TFR2: variants seen among roughly 807,000 people sequenced by gnomAD.
The protein encoded by TFR2 is transferrin receptor protein 2.
TFR2 carries 64 observed loss-of-function variants against 91.9 expected under a neutral mutation model. That is an observed-to-expected ratio of 0.70 (90% CI 0.57 to 0.86). The LOEUF is 0.86. Among genes scored for constraint, TFR2 ranks in the 40% least tolerant of loss-of-function variants. The pLI, the probability that TFR2 is intolerant of heterozygous loss-of-function variation, is 0.00. For missense variants in TFR2, 950 were observed against 1,080.5 expected, an observed-to-expected ratio of 0.88 and a Z score of 1.69; for synonymous variants, 454 against 459.6, an observed-to-expected ratio of 0.99 and a Z score of 0.15.
chr7:100,633,421 C>A lies in TFR2; in HGVS notation c.609G>T (p.Pro203=). The A allele has an allele frequency of 1.2e-6, 2 of 1,610,494 alleles. No homozygotes were observed. Among genetic ancestry groups the A allele is most frequent in the Non-Finnish European group, 1.7e-6 (2 of 1,178,478 alleles). Residue 203 remains proline (P), a synonymous_variant, in exon 4 of 18, where the codon CCG becomes CCT. Coordinates refer to ENST00000223051, the MANE Select transcript of TFR2 (RefSeq NM_003227.4). ...TDTHYVGLQF[P]DPAHPNTLHW... The stretch of plus-strand genomic sequence containing the variant: ...CCGCCCGCGCGCGCACTCACGGATC[C>A]GGGAATTGCAGCCCCACGTAGTGCG...
intron 17 of TFR2, among the ~76,000 whole-genome samples, chr7:100,621,856 T>C (rs2131305075): frequency 6.6e-6 from 1 of 152,312 alleles, no homozygotes; most frequent in East Asian, 1.9e-4. Context: ...CCCTCCTTTC[T>C]GCCAGCCTCT....
At chr7:100,629,786 C>T (rs1178306031) in intron 9 of TFR2, among the ~76,000 whole-genome samples, 1 of 152,196 alleles carries the variant, frequency 6.6e-6, no homozygotes, top group Non-Finnish European at 1.5e-5. Flanking sequence ...CGCTCTGTTG[C>T]CCAGGCTGGA....
chr7:100,641,137 TC>T lies in TFR2; in HGVS notation c.124del (p.Glu42ArgfsTer15). Reference sequence around the variant, plus strand: ...GTGGGCCAATGTCTCCGCCCCCTCCTCCCCGTCTTCCTCTTCCTCCTCCAGG... The same window carrying T: ...GTGGGCCAATGTCTCCGCCCCCTCCTCCCGTCTTCCTCTTCCTCCTCCAGG... ...GHLEEEEEDGEEGAETLAHFC... is the reference protein window; with the variant it reads ...GHLEEEEEDGXEGAETLAHFC... On this transcript the variant is annotated frameshift_variant, in exon 2 of 18. Transcript: ENST00000223051. LOFTEE classifies it high-confidence loss of function. 6.4e-7 allele frequency: 1 copy of T among 1,551,952 alleles called. No individual in the cohort carries two copies. Among genetic ancestry groups the T allele is most frequent in the Non-Finnish European group, 8.7e-7 (1 of 1,148,686 alleles).
chr7:100,641,403 C>A, intron 1 of TFR2, 74 bp downstream of exon 1: 2 of 1,598,194 alleles, frequency 1.3e-6, no homozygotes, highest in Non-Finnish European at 1.7e-6. Flanking sequence ...AGGGGCCAGC[C>A]TCAGGGGCTT....
At chr7:100,631,394 C>T (rs932629084) in intron 8 of TFR2, 9 of 192,484 alleles carry the variant, frequency 4.7e-5, no homozygotes, top group South Asian at 2.9e-4. Context: ...TTTGGGAGGC[C>T]GAGATGGGCG....
rs544495641 is a variant in TFR2, at chr7:100,621,904, T to G, written c.2137-778A>C. ...GCCTCTCCTAGCCCCATCTCTGGTT[T>G]GTTCTGCTTCCACCCGTGGGCAGGT... On this transcript the variant is annotated intron_variant, in intron 17 of 17. Transcript: ENST00000223051. Among the ~76,000 whole-genome samples the G allele has an allele frequency of 1.2e-4, 19 of 152,336 alleles. No individual in the cohort carries two copies. The South Asian group carries it at 3.7e-3, about 30-fold the overall frequency.
chr7:100,627,181 A>T, intron 16 of TFR2, 83 bp downstream of exon 16: 1 of 1,430,050 alleles, frequency 7.0e-7, no homozygotes, highest in Non-Finnish European at 9.6e-7. Context: ...ACCCCAGGGA[A>T]TGCAGAGAGA....
rs766437336 is a variant in TFR2, at chr7:100,628,111, T to C, written c.1499A>G (p.Lys500Arg). 6.2e-7 allele frequency: 1 copy of C among 1,614,108 alleles called. No homozygotes were observed. ...GTCCAGGCTCACGTACACTACGGCTTTGAGGTGCAGCACGCTGAGGTAGCC... is the reference window on the plus strand; with the variant it reads ...GTCCAGGCTCACGTACACTACGGCTCTGAGGTGCAGCACGCTGAGGTAGCC... ...LEGYLSVLHLKAVVYVSLDNA... is the reference protein window; with the variant it reads ...LEGYLSVLHLRAVVYVSLDNA... Residue 500 changes from lysine (K) to arginine (R), a missense_variant, in exon 12 of 18, where the codon AAA (lysine) becomes AGA (arginine). Transcript: ENST00000223051.
chr7:100,634,715 A>G (rs564199555), intron 3 of TFR2, among the ~76,000 whole-genome samples: 3 of 152,316 alleles, frequency 2.0e-5, no homozygotes, highest in Non-Finnish European at 4.4e-5. Context: ...CACATGGACC[A>G]TCTTTCCCTT....
chr7:100,629,139 G>A, intron 10 of TFR2, 114 bp downstream of exon 10: 1 of 1,368,002 alleles, frequency 7.3e-7, no homozygotes, highest in Non-Finnish European at 1.0e-6. Flanking sequence ...TGGATGCCGA[G>A]GTCCAAGTGA....
chr7:100,626,679 G>A, intron 17 of TFR2, 84 bp downstream of exon 17: 3 of 1,518,408 alleles, frequency 2.0e-6, no homozygotes, highest in Admixed American at 2.0e-5. Flanking sequence ...AGAGAGGAGC[G>A]CGCAGACGGG....
rs111840506 is a variant in TFR2, at chr7:100,641,477, C to T, written c.33G>A (p.Ala11=). MERLWGLFQR[A]QQLSPRSSQT... is the part of the protein sequence containing the mutation. ...GTCTTCCCAATCCCACTAGTCTTAC[C>T]GCTCTCTGGAATAGACCCCAAAGCC... Residue 11 remains alanine, a splice_region_variant and synonymous_variant, in exon 1 of 18, where the codon GCG becomes GCA. Coordinates refer to ENST00000223051, the MANE Select transcript of TFR2 (RefSeq NM_003227.4). 125 of 1,613,908 alleles carry T rather than the reference C, an allele frequency of 7.7e-5. 1 individual carries two copies. The highest frequency in any genetic ancestry group is 1.6e-4 in the Middle Eastern group (1 of 6,062).
chr7:100,625,475 A>G (rs1803229269), intron 17 of TFR2, among the ~76,000 whole-genome samples: 1 of 152,176 alleles, frequency 6.6e-6, no homozygotes, highest in Non-Finnish European at 1.5e-5. Context: ...GGTTAAACCA[A>G]GATCTGTGAA....
rs140020076 is a variant in TFR2, at chr7:100,631,836, A to T, written c.1076T>A (p.Ile359Asn). The T allele has an allele frequency of 7.5e-5, 121 of 1,613,380 alleles. No homozygotes were observed. The highest frequency in any genetic ancestry group is 1.0e-4 in the Admixed American group (6 of 59,908). The change falls in exon 8 of 18, where the codon ATC becomes AAC. Residue 359 changes from isoleucine (I) to asparagine (N), a missense_variant. By Grantham distance (149) the Ile-to-Asn change is moderately radical. Coordinates refer to ENST00000223051, the MANE Select transcript of TFR2 (RefSeq NM_003227.4). ...CAGGCGGGAGGCAATGTCTGCACTG[A>T]TGGGCTGGGCTGGGATGCTGGGAAG... The part of the protein sequence containing the change: ...SGLPSIPAQP[I>N]SADIASRLLR...
In TFR2 at chr7:100,630,957, A is replaced by G. The variant is rs371880627; in HGVS notation, c.1202T>C (p.Val401Ala). 6.2e-7 allele frequency: 1 copy of G among 1,612,590 alleles called. No homozygotes were observed. The highest frequency in any genetic ancestry group is 1.3e-5 in the African/African-American group (1 of 74,854). ...GGGGGTGGAGGTCCTGTGATTGTTG[A>G]CCACTAGCCGCAGTCGTGGCCCGGG... is the stretch of plus-strand genomic sequence containing the variant. ...LGPGPRLRLV[V>A]NNHRTSTPIN... The change falls in exon 9 of 18, where the codon GTC (valine) becomes GCC (alanine). Residue 401 changes from valine to alanine, a missense_variant. Val to Ala is a moderately conservative substitution (Grantham distance 64, BLOSUM62 0). Coordinates refer to ENST00000223051, the MANE Select transcript of TFR2 (RefSeq NM_003227.4).
In TFR2 at chr7:100,625,874, G is replaced by A. The variant is rs1010662168; in HGVS notation, c.2136+889C>T. Among the ~76,000 whole-genome samples, 12 of 152,250 alleles carry A rather than the reference G, an allele frequency of 7.9e-5. No individual in the cohort carries two copies. In the East Asian group the frequency reaches 1.9e-3, roughly 24 times the overall value. On this transcript the variant is annotated intron_variant, in intron 17 of 17. Coordinates refer to ENST00000223051, the MANE Select transcript of TFR2 (RefSeq NM_003227.4). ...CACTCTAGTCTGGGCAAGGGAGAAC[G>A]AGCAAGAGCAATAGGTTTGTAAATG... is the stretch of plus-strand genomic sequence containing the variant.
intron 9 of TFR2, 71 bp downstream of exon 9, chr7:100,630,818 T>C: frequency 1.2e-6 from 2 of 1,604,514 alleles, no homozygotes; most frequent in Non-Finnish European, 1.7e-6. Context: ...CCCCCTATCT[T>C]GCCAGGGTGT....
At position 100,631,821 on chromosome 7, in the gene TFR2, G is replaced by A. The variant is rs1803444010; in HGVS notation, c.1091C>T (p.Ala364Val). ...CTCCCCTCACCTCAGCAGGCGGGAG[G>A]CAATGTCTGCACTGATGGGCTGGGC... ...IPAQPISADI[A>V]SRLLRKLKGP... Residue 364 changes from alanine to valine, a missense_variant, in exon 8 of 18, where the codon GCC (alanine) becomes GTC (valine). Ala to Val is a moderately conservative substitution (Grantham distance 64). Transcript: ENST00000223051. The A allele has an allele frequency of 6.2e-7, 1 of 1,612,662 alleles. No individual in the cohort carries two copies. Among genetic ancestry groups the A allele is most frequent in the Admixed American group, 1.7e-5 (1 of 59,878 alleles).
At chr7:100,632,971 C>T (rs761106075) in intron 6 of TFR2, 30 bp downstream of exon 6, 4 of 1,613,644 alleles carry the variant, frequency 2.5e-6, no homozygotes, top group South Asian at 2.2e-5. Flanking sequence ...TTCCCGGGCT[C>T]AAGCCCTCCC....
Sources: gnomAD v4.1 joint callset for allele counts (sites outside exome capture counted in the v4.1 genomes callset) on GRCh38, gnomAD v4.1.1 for gene constraint, MANE v1.5 for transcripts, NCBI Gene and HGNC (gene_info 2026-07-23, HGNC 2026-07-21) for gene names.